The following MAD1L1 variants were observed in gnomAD, a reference collection of about 807,000 sequenced individuals.
The protein encoded by MAD1L1 is mitotic arrest deficient 1 like 1.
MAD1L1 carries 95 observed loss-of-function variants against 96.9 expected under a neutral mutation model. The ratio of observed to expected loss-of-function variants is 0.98; its 90% CI spans 0.83 to 1.16. The LOEUF (loss-of-function observed/expected upper bound fraction) is 1.16. Among genes scored for constraint, MAD1L1 ranks in the 50% most tolerant of loss-of-function variants. The pLI, the probability that MAD1L1 is intolerant of heterozygous loss-of-function variation, is 0.00. For synonymous variants in MAD1L1, 473 were observed against 396.6 expected (o/e 1.19, Z -2.29); for missense variants, 1,007 against 954.4 (o/e 1.06, Z -0.73).
chr7:2,189,974 G>T (rs1056875411), intron 10 of MAD1L1, among the ~76,000 whole-genome samples: 2 of 152,060 alleles, frequency 1.3e-5, no homozygotes, highest in Non-Finnish European at 2.9e-5. Flanking sequence ...AGGTAAAACT[G>T]CACTGGAGGT....
chr7:2,073,874 G>A (rs982252808), intron 11 of MAD1L1, among the ~76,000 whole-genome samples: 2 of 152,220 alleles, frequency 1.3e-5, no homozygotes, highest in Non-Finnish European at 2.9e-5. Flanking sequence ...GGCGTGGGCA[G>A]CAGAGAGACA....
In MAD1L1 at chr7:2,165,230, TAGAA is replaced by T. The variant is rs375259611; in HGVS notation, c.987-15996_987-15993del. On this transcript the variant is annotated intron_variant, in intron 10 of 18. Transcript: ENST00000265854. ...AAAAAAAAAAGAAAAAGAAAAAAAA[TAGAA>T]AGGGAAGAATTTATAGGAAGTTCTA... Among the ~76,000 whole-genome samples, 333 of 146,122 alleles carry T rather than the reference TAGAA, an allele frequency of 2.3e-3. 2 individuals are homozygous for T. Among genetic ancestry groups the T allele is most frequent in the African/African-American group, 8.0e-3 (314 of 39,410 alleles).
At position 2,230,654 on chromosome 7, in the gene MAD1L1, A is replaced by C. The variant is rs1794146344; in HGVS notation, c.-116T>G. On this transcript the variant is annotated 5_prime_UTR_variant, in exon 2 of 19. Coordinates refer to ENST00000265854, the MANE Select transcript of MAD1L1 (RefSeq NM_001013836.2). ...TGAAGGCCTCAGAGCCAGGGGTCCG[A>C]TGGTGTAATTCTCAGTTCGAGGGGC... 6.4e-6 allele frequency: 1 copy of C among 155,708 alleles called. No homozygotes were observed. The highest frequency in any genetic ancestry group is 2.0e-4 in the South Asian group (1 of 5,128). 9.6% of individuals were successfully genotyped at this position (155,708 alleles called of 1,614,324 possible). A position where few individuals can be genotyped will look rare whatever the true frequency, so the allele number is the denominator to read the frequency against.
At chr7:2,154,396 T>C (rs564572347) in intron 10 of MAD1L1, among the ~76,000 whole-genome samples, 5 of 152,274 alleles carry the variant, frequency 3.3e-5, no homozygotes, top group African/African-American at 1.2e-4. Context: ...TACAGTTAGA[T>C]GAAAGGTATA....
intron 17 of MAD1L1, among the ~76,000 whole-genome samples, chr7:1,923,243 G>A (rs187520441): frequency 2.0e-4 from 31 of 152,222 alleles, no homozygotes; most frequent in Non-Finnish European, 4.3e-4. Context: ...TCTGCAGTCT[G>A]TGGTTGAAGC....
chr7:1,868,157 C>A (rs1198590484), intron 18 of MAD1L1, among the ~76,000 whole-genome samples: 1 of 152,222 alleles, frequency 6.6e-6, no homozygotes, highest in Non-Finnish European at 1.5e-5. Flanking sequence ...CCCCCAGACA[C>A]CAGCACTCCT....
At chr7:1,870,500 A>G (rs763947162) in intron 18 of MAD1L1, among the ~76,000 whole-genome samples, 1,563 of 79,924 alleles carry the variant, frequency 0.02, 57 homozygotes, top group African/African-American at 0.074. Flanking sequence ...CCCAACATAC[A>G]CCTGCCACAC....
intron 10 of MAD1L1, among the ~76,000 whole-genome samples, chr7:2,196,771 G>C (rs1364416965): frequency 6.6e-6 from 1 of 152,180 alleles, no homozygotes; most frequent in Non-Finnish European, 1.5e-5. Flanking sequence ...AGAAGGCCTC[G>C]GGCTCCCTGC....
rs765857708 is a variant in MAD1L1, at chr7:1,957,691, G to C, written c.1534C>G (p.Arg512Gly). Residue 512 changes from arginine to glycine, a missense_variant, in exon 16 of 19, where the codon CGG becomes GGG. Coordinates refer to ENST00000265854, the MANE Select transcript of MAD1L1 (RefSeq NM_001013836.2). ...RLKVEELEGE[R>G]SRLEEEKRML... ...CTCTTTTCCTCCTCCAGCCGACTCC[G>C]CTCGCCTTCCAGCTCCTCGACCTTC... The C allele has an allele frequency of 1.3e-5, 21 of 1,614,098 alleles. No homozygotes were observed. Among genetic ancestry groups the C allele is most frequent in the Non-Finnish European group, 1.8e-5 (21 of 1,180,038 alleles).
chr7:2,144,644 G>A (rs1789204115), intron 11 of MAD1L1, among the ~76,000 whole-genome samples: 3 of 152,268 alleles, frequency 2.0e-5, no homozygotes, highest in Middle Eastern at 6.8e-3. Context: ...GCAGAGGGGT[G>A]CTTGGGTCCC....
At chr7:2,079,383 G>A (rs1453112604) in intron 11 of MAD1L1, among the ~76,000 whole-genome samples, 2 of 152,176 alleles carry the variant, frequency 1.3e-5, no homozygotes, top group East Asian at 1.9e-4. Context: ...TCCAAACAGC[G>A]GAAACAAAAC....
At chr7:2,141,103 C>T (rs536306005) in intron 11 of MAD1L1, among the ~76,000 whole-genome samples, 19 of 152,204 alleles carry the variant, frequency 1.2e-4, no homozygotes, top group African/African-American at 3.6e-4. Context: ...CGGCAGCGGA[C>T]GCTGGACCCG....
At chr7:2,096,708 G>A (rs1307081357) in intron 11 of MAD1L1, among the ~76,000 whole-genome samples, 1 of 152,156 alleles carries the variant, frequency 6.6e-6, no homozygotes, top group African/African-American at 2.4e-5. Context: ...ATGTGTCTCA[G>A]GCAAACTCGT....
chr7:1,833,492 G>T (rs182769861), intron 18 of MAD1L1, among the ~76,000 whole-genome samples: 2 of 152,286 alleles, frequency 1.3e-5, no homozygotes, highest in African/African-American at 2.4e-5. Context: ...CAGAAAATTG[G>T]CAAGGATATA....
chr7:1,992,290 G>C (rs947678305), intron 14 of MAD1L1, among the ~76,000 whole-genome samples: 41 of 152,358 alleles, frequency 2.7e-4, no homozygotes, highest in Admixed American at 7.2e-4. Context: ...AGCCAGATGG[G>C]TGGTGTCTCT....
intron 12 of MAD1L1, among the ~76,000 whole-genome samples, chr7:2,043,664 G>A (rs983309917): frequency 6.6e-6 from 1 of 152,228 alleles, no homozygotes; most frequent in Non-Finnish European, 1.5e-5. Flanking sequence ...GATCCAGACT[G>A]GCTGAGCGCC....
chr7:2,165,638 G>A (rs894491294), intron 10 of MAD1L1, among the ~76,000 whole-genome samples: 1 of 152,368 alleles, frequency 6.6e-6, no homozygotes. Flanking sequence ...CCAAGGTGGT[G>A]TCCACGGCAC....
At chr7:2,129,792 G>A (rs138731247) in intron 11 of MAD1L1, among the ~76,000 whole-genome samples, 22 of 152,284 alleles carry the variant, frequency 1.4e-4, no homozygotes, top group East Asian at 3.9e-4. Context: ...TCGAGCCAAC[G>A]GCCTCCCCCA....
intron 10 of MAD1L1, among the ~76,000 whole-genome samples, chr7:2,211,782 G>C (rs1269786578): frequency 6.6e-6 from 1 of 152,240 alleles, no homozygotes; most frequent in Admixed American, 6.5e-5. Context: ...GAGAACTGAA[G>C]CCAGTAATGC....
Sources: allele counts gnomAD v4.1 joint callset (sites outside exome capture counted in the v4.1 genomes callset), GRCh38; gene constraint gnomAD v4.1.1; transcripts MANE v1.5; gene names NCBI Gene and HGNC (gene_info 2026-07-23, HGNC 2026-07-21).